The following DIP2C variants were observed in gnomAD, a reference collection of about 807,000 sequenced individuals.
DIP2C encodes the protein DIP2 acetate--CoA ligase C (putative).
DIP2C carries 33 observed loss-of-function variants against 192.4 expected under a neutral mutation model. That is an observed-to-expected ratio of 0.17 (90% confidence interval 0.13 to 0.23). The LOEUF (loss-of-function observed/expected upper bound fraction) is 0.23, where lower values mean the gene tolerates loss of function less well. DIP2C is among the 10% of genes least tolerant of loss of function. The pLI is 1.00. For missense variants in DIP2C, 1,537 were observed against 2,110.1 expected (o/e 0.73, Z 5.32); for synonymous variants, 979 against 864.1 (o/e 1.13, Z -2.33).
intron 31 of DIP2C, among the ~76,000 whole-genome samples, chr10:312,635 C>G (rs1200899842): frequency 6.6e-6 from 1 of 152,176 alleles, no homozygotes; most frequent in Non-Finnish European, 1.5e-5. Flanking sequence ...AAAAGAAAAT[C>G]ACGATTCCAC....
chr10:413,110 AC>A (rs371858361), intron 8 of DIP2C, among the ~76,000 whole-genome samples: 6 of 152,214 alleles, frequency 3.9e-5, no homozygotes, highest in African/African-American at 1.4e-4. Flanking sequence ...AGCTGGGACT[AC>A]AGGCATGAGC....
intron 29 of DIP2C, among the ~76,000 whole-genome samples, chr10:335,771 C>G (rs1480030681): frequency 6.6e-6 from 1 of 152,260 alleles, no homozygotes; most frequent in African/African-American, 2.4e-5. Flanking sequence ...CATGAAGACT[C>G]TCTTTCCTTT....
At chr10:570,777 G>A (rs1849745012) in intron 1 of DIP2C, among the ~76,000 whole-genome samples, 1 of 152,222 alleles carries the variant, frequency 6.6e-6, no homozygotes. Flanking sequence ...CTTGCATGAG[G>A]CAACCGATTA....
chr10:277,133 G>A lies in DIP2C; in HGVS notation c.*192C>T. 1 of 741,830 alleles carries A rather than the reference G, an allele frequency of 1.3e-6. No homozygotes were observed. The highest frequency in any genetic ancestry group is 2.0e-6 in the Non-Finnish European group (1 of 489,300). The allele number at this position is 741,830 out of a possible 1,614,324, so 46.0% of individuals were successfully genotyped here. On this transcript the variant is annotated 3_prime_UTR_variant, in exon 37 of 37. Coordinates refer to ENST00000280886, the MANE Select transcript of DIP2C (RefSeq NM_014974.3). Reference sequence around the variant, plus strand: ...AAAGTCCTTCTGAGCGAAATTCAGTGGTAAATTCACATTTCACCCCCATGC... The same window carrying A: ...AAAGTCCTTCTGAGCGAAATTCAGTAGTAAATTCACATTTCACCCCCATGC...
At position 574,894 on chromosome 10, in the gene DIP2C, G is replaced by A. The variant is rs565158506; in HGVS notation, c.86-88364C>T. ...GCTGTTACAATTTACTGGGTTTAATGTGATTCGGTTTGTCACAGAAGAGAG... is the reference window on the plus strand; with the variant it reads ...GCTGTTACAATTTACTGGGTTTAATATGATTCGGTTTGTCACAGAAGAGAG... On this transcript the variant is annotated intron_variant, in intron 1 of 36. Coordinates refer to ENST00000280886, the MANE Select transcript of DIP2C (RefSeq NM_014974.3). Among the ~76,000 whole-genome samples, 3 of 152,288 alleles carry A rather than the reference G, an allele frequency of 2.0e-5. No homozygotes were observed. The East Asian group carries it at 5.8e-4, about 29-fold the overall frequency.
chr10:300,125 G>A (rs1385337938), intron 32 of DIP2C, among the ~76,000 whole-genome samples: 1 of 152,124 alleles, frequency 6.6e-6, no homozygotes, highest in African/African-American at 2.4e-5. Context: ...AATATAAATA[G>A]AACTAATGTA....
At chr10:493,457 C>A (rs777177517) in intron 1 of DIP2C, among the ~76,000 whole-genome samples, 2 of 152,014 alleles carry the variant, frequency 1.3e-5, no homozygotes, top group East Asian at 1.9e-4. Context: ...TTGGGGGGAG[C>A]GAGAAGGGGC....
Position 279,881 on chromosome 10 carries a change from C to T in DIP2C, c.4418+1319G>A, listed in dbSNP as rs574881773. Among the ~76,000 whole-genome samples, 9 of 152,320 alleles carry T rather than the reference C, an allele frequency of 5.9e-5. No homozygotes were observed. The South Asian group carries it at 1.7e-3, about 28-fold the overall frequency. On this transcript the variant is annotated intron_variant, in intron 36 of 36. Transcript: ENST00000280886. ...CCACAGAGGGCACCAGCGAGGCCCT[C>T]GATGCACACCTTTTAGCGGGAAACC...
chr10:534,489 T>A (rs1847584742), intron 1 of DIP2C, among the ~76,000 whole-genome samples: 1 of 152,020 alleles, frequency 6.6e-6, no homozygotes, highest in African/African-American at 2.4e-5. Context: ...TAGCGCACAT[T>A]CCTTTAAAAA....
chr10:448,683 G>A (rs1319379768), intron 3 of DIP2C, among the ~76,000 whole-genome samples: 1 of 145,112 alleles, frequency 6.9e-6, no homozygotes, highest in African/African-American at 2.6e-5. Flanking sequence ...TCGATATTCA[G>A]GATCACACAC....
At chr10:405,651 C>T (rs975484164) in intron 9 of DIP2C, among the ~76,000 whole-genome samples, 4 of 152,194 alleles carry the variant, frequency 2.6e-5, no homozygotes, top group East Asian at 3.8e-4. Context: ...CAAAGACGCT[C>T]GATTTTTGTA....
At chr10:477,857 G>A (rs115980728) in intron 2 of DIP2C, among the ~76,000 whole-genome samples, 1,871 of 134,164 alleles carry the variant, frequency 0.014, 60 homozygotes, top group African/African-American at 0.051. Context: ...AAGGAGAAGT[G>A]AAGGAAGCAG....
intron 3 of DIP2C, among the ~76,000 whole-genome samples, chr10:461,452 A>G (rs950163786): frequency 7.9e-4 from 120 of 152,342 alleles, no homozygotes; most frequent in African/African-American, 2.5e-3. Context: ...GCATTACACA[A>G]TGGCAAAGGG....
chr10:504,266 A>C (rs1363323148), intron 1 of DIP2C, among the ~76,000 whole-genome samples: 1 of 152,250 alleles, frequency 6.6e-6, no homozygotes, highest in African/African-American at 2.4e-5. Flanking sequence ...AATAAAGGCC[A>C]CGCTGGAAGA....
At position 341,220 on chromosome 10, in the gene DIP2C, A is replaced by C; in HGVS notation, c.3563T>G (p.Phe1188Cys). The change falls in exon 29 of 37, where the codon TTT becomes TGT. Residue 1188 changes from phenylalanine to cysteine, a missense_variant. Phe to Cys is a radical substitution (Grantham distance 205). Transcript: ENST00000280886. ...TTACCTGCAGAGGCACCAGAGGACA[A>C]ATCCCAGTCCACAGTAAGGGTCCAG... ...ICLDPYCGLG[F>C]VLWCLCSVYS... The C allele has an allele frequency of 6.2e-7, 1 of 1,614,194 alleles. No homozygotes were observed. The highest frequency in any genetic ancestry group is 8.5e-7 in the Non-Finnish European group (1 of 1,180,032).
At chr10:473,451 TATGTCATCCC>T (rs1161486762) in intron 2 of DIP2C, among the ~76,000 whole-genome samples, 2 of 151,170 alleles carry the variant, frequency 1.3e-5, no homozygotes, top group African/African-American at 2.5e-5. Context: ...GACGTCATCC[TATGTCATCCC>T]CACAGTTCTG....
chr10:674,779 TATATATATATAG>T (rs2119043630), intron 1 of DIP2C, among the ~76,000 whole-genome samples: 1 of 97,652 alleles, frequency 1.0e-5, no homozygotes, highest in East Asian at 3.2e-4. Context: ...CAAATATATA[TATATATATATAG>T]AGAGAGAGAG....
intron 11 of DIP2C, 144 bp downstream of exon 11, chr10:390,596 G>A: frequency 7.2e-7 from 1 of 1,389,540 alleles, no homozygotes; most frequent in Non-Finnish European, 9.8e-7. Context: ...TGTCATCAGG[G>A]ACGAGAACGC....
At chr10:398,237 T>TA (rs1345574448) in intron 10 of DIP2C, among the ~76,000 whole-genome samples, 1 of 152,160 alleles carries the variant, frequency 6.6e-6, no homozygotes, top group African/African-American at 2.4e-5. Context: ...CATTTACACC[T>TA]ATTCTCTCTG....
Sources: allele counts gnomAD v4.1 joint callset (sites outside exome capture counted in the v4.1 genomes callset), GRCh38; gene constraint gnomAD v4.1.1; transcripts MANE v1.5; gene names NCBI Gene and HGNC (gene_info 2026-07-23, HGNC 2026-07-21).